Variants in METAP1 observed in about 807,000 individuals in gnomAD.
METAP1 encodes methionyl aminopeptidase 1.
METAP1 carries 28 observed loss-of-function variants against 53.8 expected under a neutral mutation model. The observed-to-expected ratio is 0.52, with a 90% CI of 0.39 to 0.71. The LOEUF is 0.71. Ranked by LOEUF, METAP1 falls within the 30% of genes least tolerant of loss-of-function variation. The pLI is 0.00. For missense variants in METAP1, 389 were observed against 479.8 expected (o/e 0.81, Z 1.77); for synonymous variants, 181 against 165.7 (o/e 1.09, Z -0.71).
In METAP1 at chr4:99,022,160, GA is replaced by G. The variant is rs1724154791; in HGVS notation, c.115-6705del. 3 of 329,560 alleles carry G rather than the reference GA, an allele frequency of 9.1e-6. No individual in the cohort carries two copies. In the Admixed American group the frequency reaches 1.5e-4, roughly 16 times the overall value. 20.4% of individuals were successfully genotyped at this position (329,560 alleles called of 1,614,324 possible). A position where few individuals can be genotyped will look rare whatever the true frequency, so the allele number is the denominator to read the frequency against. On this transcript the variant is annotated intron_variant, in intron 1 of 10. Coordinates refer to ENST00000296411, the MANE Select transcript of METAP1 (RefSeq NM_015143.3). ...TAGGAGTTTAGATGGGGGAATAGTG[GA>G]AGCCCACAAAACTTCCACGTTTGGG...
chr4:99,048,557 A>G (rs1363783742), intron 8 of METAP1, among the ~76,000 whole-genome samples, 176 bp from the exon 9 acceptor site: 1 of 152,116 alleles, frequency 6.6e-6, no homozygotes, highest in East Asian at 1.9e-4. Context: ...TTTTGCAGAG[A>G]CAGGGCTTTG....
chr4:99,017,017 G>T (rs917017363), intron 1 of METAP1, among the ~76,000 whole-genome samples: 1 of 152,176 alleles, frequency 6.6e-6, no homozygotes, highest in East Asian at 1.9e-4. Flanking sequence ...AGCTAATTTG[G>T]GGGAGAGGAG....
chr4:98,998,001 A>G (rs1722718998), intron 1 of METAP1, among the ~76,000 whole-genome samples: 1 of 152,120 alleles, frequency 6.6e-6, no homozygotes, highest in Non-Finnish European at 1.5e-5. Flanking sequence ...TACAGAAGTT[A>G]TTTTTCCCGC....
At chr4:99,059,950 C>T (rs1301707962) in intron 10 of METAP1, among the ~76,000 whole-genome samples, 1 of 152,094 alleles carries the variant, frequency 6.6e-6, no homozygotes, top group African/African-American at 2.4e-5. Context: ...TGTTTGTGTG[C>T]CTACCATTTT....
chr4:99,018,303 T>G (rs72677540), intron 1 of METAP1, among the ~76,000 whole-genome samples: 126 of 152,318 alleles, frequency 8.3e-4, no homozygotes, highest in Non-Finnish European at 1.3e-3. Flanking sequence ...TCCCTTAGAG[T>G]ATAAATGATT....
At chr4:99,018,135 A>G (rs1241284485) in intron 1 of METAP1, among the ~76,000 whole-genome samples, 5 of 152,240 alleles carry the variant, frequency 3.3e-5, no homozygotes, top group Non-Finnish European at 5.9e-5. Context: ...TATCCAGTCA[A>G]TCCCAGAAAT....
chr4:99,001,689 T>A (rs1233544493), intron 1 of METAP1, among the ~76,000 whole-genome samples: 2 of 152,246 alleles, frequency 1.3e-5, no homozygotes, highest in Non-Finnish European at 2.9e-5. Context: ...TTTTTTACCT[T>A]CTGTTTACTC....
At chr4:98,996,094 C>A (rs1002991693) in intron 1 of METAP1, among the ~76,000 whole-genome samples, 1 of 152,164 alleles carries the variant, frequency 6.6e-6, no homozygotes, top group African/African-American at 2.4e-5. Context: ...GGGCGCCACC[C>A]GCCGCGGCCA....
intron 1 of METAP1, among the ~76,000 whole-genome samples, chr4:99,025,133 G>C (rs906479631): frequency 6.6e-6 from 1 of 152,214 alleles, no homozygotes; most frequent in African/African-American, 2.4e-5. Flanking sequence ...GTGTGGGCTG[G>C]TTCCTAACAG....
chr4:99,015,191 A>G (rs1325938115), intron 1 of METAP1, among the ~76,000 whole-genome samples: 1 of 152,148 alleles, frequency 6.6e-6, no homozygotes, highest in Admixed American at 6.6e-5. Context: ...TTAACCAGGC[A>G]TTTGCATCTT....
chr4:99,014,776 A>G (rs1020248705), intron 1 of METAP1, among the ~76,000 whole-genome samples: 2 of 152,186 alleles, frequency 1.3e-5, no homozygotes, highest in African/African-American at 4.8e-5. Flanking sequence ...GTGCCCCCCG[A>G]CATTACCACC....
intron 1 of METAP1, among the ~76,000 whole-genome samples, chr4:99,015,416 G>A (rs1035170082): frequency 2.0e-5 from 3 of 152,288 alleles, no homozygotes; most frequent in East Asian, 1.9e-4. Flanking sequence ...GCCCAATACC[G>A]TAGAGATGGC....
intron 6 of METAP1, 139 bp downstream of exon 6, chr4:99,041,265 T>C: frequency 2.1e-6 from 1 of 477,766 alleles, no homozygotes; most frequent in Middle Eastern, 5.5e-4. Context: ...TTGCTTTGTT[T>C]CAAATATGGA....
chr4:99,012,062 C>T (rs972936816), intron 1 of METAP1, among the ~76,000 whole-genome samples: 2 of 152,016 alleles, frequency 1.3e-5, no homozygotes, highest in Admixed American at 6.6e-5. Flanking sequence ...ACTTTCTTTT[C>T]ATTGTTTTTA....
chr4:99,036,289 A>T (rs1051530680), intron 4 of METAP1, among the ~76,000 whole-genome samples: 14 of 152,100 alleles, frequency 9.2e-5, no homozygotes, highest in African/African-American at 2.9e-4. Flanking sequence ...ATCATTTTTA[A>T]ATTTTAGTTA....
chr4:99,025,417 T>TG, intron 1 of METAP1: 2 of 982,912 alleles, frequency 2.0e-6, no homozygotes, highest in Non-Finnish European at 2.4e-6. Context: ...CTCTTAACTC[T>TG]GACTCTTTTC....
At chr4:99,013,102 C>G (rs1261446378) in intron 1 of METAP1, among the ~76,000 whole-genome samples, 2 of 152,114 alleles carry the variant, frequency 1.3e-5, no homozygotes, top group Admixed American at 6.5e-5. Context: ...GTGACTTTTT[C>G]TTTGACACAT....
chr4:99,035,635 C>T (rs993183934), intron 4 of METAP1, among the ~76,000 whole-genome samples, 175 bp downstream of exon 4: 1 of 152,146 alleles, frequency 6.6e-6, no homozygotes, highest in Non-Finnish European at 1.5e-5. Context: ...CATTAGAAAT[C>T]TACCTACCTC....
intron 2 of METAP1, chr4:99,031,351 C>G: frequency 1.5e-6 from 1 of 685,858 alleles, no homozygotes; most frequent in Non-Finnish European, 1.8e-6. Flanking sequence ...GTGTTTGTTT[C>G]TCATTTTCCT....
Sources: gnomAD v4.1 joint callset for allele counts (sites outside exome capture counted in the v4.1 genomes callset) on GRCh38, gnomAD v4.1.1 for gene constraint, MANE v1.5 for transcripts, NCBI Gene and HGNC (gene_info 2026-07-23, HGNC 2026-07-21) for gene names.